Variants in ZNF554 observed in about 807,000 individuals in gnomAD.
ZNF554 encodes zinc finger protein 554.
A neutral mutation model predicts 21.2 loss-of-function variants in ZNF554; 15 were observed. That is an observed-to-expected ratio of 0.71 (90% CI 0.47 to 1.09). The LOEUF (loss-of-function observed/expected upper bound fraction) is 1.09. ZNF554 is among the 50% of genes least tolerant of loss of function. ZNF554 has a pLI of 0.00. For missense variants in ZNF554, 691 were observed against 662.7 expected, an observed-to-expected ratio of 1.04 and a Z score of -0.47; for synonymous variants, 258 against 251.4, an observed-to-expected ratio of 1.03 and a Z score of -0.25.
chr19:2,836,143 TGTGAGCCACTGTGCTGGGATTACGGGC>T lies in ZNF554; in HGVS notation c.*1298_*1324del, dbSNP rs2087494016. ...TGAGCCACCGTGCTGGTATTACGGG[TGTGAGCCACTGTGCTGGGATTACGGGC>T]GTGAGCTGCCCATGCTGGGATTACG... On this transcript the variant is annotated 3_prime_UTR_variant, in exon 5 of 5. Coordinates refer to ENST00000317243, the MANE Select transcript of ZNF554 (RefSeq NM_001102651.2). Among the ~76,000 whole-genome samples, 1 of 150,620 alleles carries T rather than the reference TGTGAGCCACTGTGCTGGGATTACGGGC, an allele frequency of 6.6e-6. No individual in the cohort carries two copies. Among genetic ancestry groups the T allele is most frequent in the African/African-American group, 2.4e-5 (1 of 41,088 alleles).
chr19:2,833,490 C>A (rs987412850), intron 4 of ZNF554, among the ~76,000 whole-genome samples, 191 bp from the exon 5 acceptor site: 2 of 152,186 alleles, frequency 1.3e-5, no homozygotes, highest in Non-Finnish European at 2.9e-5. Flanking sequence ...TCTTCCACTG[C>A]TGCATCTCAT....
chr19:2,834,124 G>A lies in ZNF554; in HGVS notation c.889G>A (p.Val297Met), dbSNP rs757275966. 1 of 1,614,080 alleles carries A rather than the reference G, an allele frequency of 6.2e-7. No homozygotes were observed. Among genetic ancestry groups the A allele is most frequent in the Admixed American group, 1.7e-5 (1 of 60,014 alleles). The stretch of plus-strand genomic sequence containing the variant: ...TATTCAACACGGGGGGAAGATGTTT[G>A]TGTATTTGGAAAATGGGCAGTCATT... ...HFIQHGGKMFVYLENGQSLNH... is the reference protein window; with the variant it reads ...HFIQHGGKMFMYLENGQSLNH... The change falls in exon 5 of 5, where the codon GTG (valine) becomes ATG (methionine). Residue 297 changes from valine (V) to methionine (M), a missense_variant. Val to Met is a conservative substitution (Grantham distance 21, BLOSUM62 1). Transcript: ENST00000317243.
At chr19:2,822,945 C>A (rs1341899154) in intron 1 of ZNF554, 95 bp from the exon 2 acceptor site, 3 of 1,321,228 alleles carry the variant, frequency 2.3e-6, no homozygotes, top group Admixed American at 2.0e-5. Flanking sequence ...TATGGGGGGC[C>A]CCTTCAAGCA....
Position 2,834,983 on chromosome 19 carries a change from G to C in ZNF554, c.*131G>C. On this transcript the variant is annotated 3_prime_UTR_variant, in exon 5 of 5. Transcript: ENST00000317243. ...CACCTTCTCACCTTCTTATAAGAAAGCTCTGAGAATGGGCATTTTTGTATT... is the reference window on the plus strand; with the variant it reads ...CACCTTCTCACCTTCTTATAAGAAACCTCTGAGAATGGGCATTTTTGTATT... 3.5e-6 allele frequency: 3 copies of C among 867,248 alleles called. No homozygotes were observed. In the East Asian group the frequency reaches 7.9e-5, roughly 23 times the overall value. 53.7% of individuals were successfully genotyped at this position (867,248 alleles called of 1,614,324 possible).
chr19:2,828,542 C>T (rs1215170495), intron 3 of ZNF554, among the ~76,000 whole-genome samples: 2 of 152,082 alleles, frequency 1.3e-5, no homozygotes, highest in Non-Finnish European at 2.9e-5. Flanking sequence ...TGGCGGGCAC[C>T]TGTAATCCCA....
chr19:2,833,591 T>C, intron 4 of ZNF554, 90 bp from the exon 5 acceptor site: 1 of 1,113,830 alleles, frequency 9.0e-7, no homozygotes, highest in Non-Finnish European at 1.3e-6. Context: ...CGCACAGGCC[T>C]TGTAGATGTC....
chr19:2,825,409 T>C (rs993343522), intron 2 of ZNF554, among the ~76,000 whole-genome samples: 1 of 152,196 alleles, frequency 6.6e-6, no homozygotes. Context: ...CCTCCCGGGT[T>C]CAAGCGATTC....
chr19:2,822,449 C>T (rs999005177), intron 1 of ZNF554, among the ~76,000 whole-genome samples: 3 of 152,160 alleles, frequency 2.0e-5, no homozygotes, highest in Admixed American at 6.5e-5. Flanking sequence ...TTTAAGCCCC[C>T]GGGTTACTGG....
At chr19:2,827,474 C>G in intron 2 of ZNF554, 143 bp from the exon 3 acceptor site, 2 of 999,136 alleles carry the variant, frequency 2.0e-6, no homozygotes, top group East Asian at 5.4e-5. Flanking sequence ...GACAAGCACC[C>G]ACAAGGCAGC....
At position 2,821,982 on chromosome 19, in the gene ZNF554, A is replaced by G. The variant is rs1235946961; in HGVS notation, c.54-1058A>G. Among the ~76,000 whole-genome samples, 1 of 152,090 alleles carries G rather than the reference A, an allele frequency of 6.6e-6. No individual in the cohort carries two copies. The highest frequency in any genetic ancestry group is 1.9e-4 in the East Asian group (1 of 5,178). The stretch of plus-strand genomic sequence containing the variant: ...CCAGCTGTCTCTTTCTCTTATAAGG[A>G]CAATACTCATGACCCCAGTAGCTGG... On this transcript the variant is annotated intron_variant, in intron 1 of 4. Transcript: ENST00000317243. The surrounding 1 kb of genome is among the most constrained non-coding windows in gnomAD (Gnocchi z 8.2).
At chr19:2,829,921 ATTTCT>A (rs1019603184) in intron 3 of ZNF554, among the ~76,000 whole-genome samples, 29 of 151,606 alleles carry the variant, frequency 1.9e-4, no homozygotes, top group African/African-American at 5.3e-4. Flanking sequence ...TACCCTGGAC[ATTTCT>A]TTTCTTTTCT....
At chr19:2,824,497 G>T (rs960728902) in intron 2 of ZNF554, among the ~76,000 whole-genome samples, 3 of 152,236 alleles carry the variant, frequency 2.0e-5, no homozygotes, top group Non-Finnish European at 4.4e-5. Flanking sequence ...CCCCTGGAGA[G>T]CAGGCAGTGC....
At position 2,836,622 on chromosome 19, in the gene ZNF554, T is replaced by C. The variant is rs1007307256; in HGVS notation, c.*1770T>C. 6.6e-6 allele frequency among the ~76,000 whole-genome samples: 1 copy of C among 152,232 alleles called. No homozygotes were observed. Among genetic ancestry groups the C allele is most frequent in the Non-Finnish European group, 1.5e-5 (1 of 68,046 alleles). ...CGCAATGATTGGGGTGTTCCAATTA[T>C]GTGTGATTTTGTGTTTTCTGCCGTT... On this transcript the variant is annotated 3_prime_UTR_variant, in exon 5 of 5. Transcript: ENST00000317243.
At position 2,828,735 on chromosome 19, in the gene ZNF554, G is replaced by A. The variant is rs115275847; in HGVS notation, c.253+992G>A. 4.5e-3 allele frequency among the ~76,000 whole-genome samples: 681 copies of A among 151,846 alleles called. 2 individuals carry two copies. The highest frequency in any genetic ancestry group is 0.016 in the African/African-American group (647 of 41,404). Reference sequence around the variant, plus strand: ...ATGGAGTCACAGTTCCACATGGCTCGGGAGGCCTCAGGACACTTACAATCA... The same window carrying A: ...ATGGAGTCACAGTTCCACATGGCTCAGGAGGCCTCAGGACACTTACAATCA... On this transcript the variant is annotated intron_variant, in intron 3 of 4. Coordinates refer to ENST00000317243, the MANE Select transcript of ZNF554 (RefSeq NM_001102651.2).
chr19:2,829,985 C>T (rs79960939), intron 3 of ZNF554, among the ~76,000 whole-genome samples: 7,979 of 152,100 alleles, frequency 0.052, 338 homozygotes, highest in East Asian at 0.2. Flanking sequence ...AGTGCAGTGG[C>T]GTGATCTTGG....
intron 3 of ZNF554, among the ~76,000 whole-genome samples, chr19:2,829,576 G>A (rs1462211273): frequency 6.6e-6 from 1 of 152,058 alleles, no homozygotes; most frequent in African/African-American, 2.4e-5. Context: ...GGTGGAGGTT[G>A]CGGTAAGCTG....
chr19:2,833,738 A>G lies in ZNF554; in HGVS notation c.503A>G (p.Glu168Gly), dbSNP rs773524765. 1 of 1,560,154 alleles carries G rather than the reference A, an allele frequency of 6.4e-7. No homozygotes were observed. Among genetic ancestry groups the G allele is most frequent in the Middle Eastern group, 1.7e-4 (1 of 5,816 alleles). Residue 168 changes from glutamate to glycine, a missense_variant, in exon 5 of 5, where the codon GAG (glutamate) becomes GGG (glycine). By Grantham distance (98) the Glu-to-Gly change is moderately conservative. Transcript: ENST00000317243. ...ACTTACAAGAAGGTGGCTTTGCAGG[A>G]GGAACCAGCCAGTGGTATAAATATG... ...DSTYKKVALQEEPASGINMIK... is the reference protein window; with the variant it reads ...DSTYKKVALQGEPASGINMIK...
chr19:2,834,534 G>C lies in ZNF554; in HGVS notation c.1299G>C (p.Glu433Asp). The C allele has an allele frequency of 6.2e-7, 1 of 1,614,140 alleles. No homozygotes were observed. The highest frequency in any genetic ancestry group is 8.5e-7 in the Non-Finnish European group (1 of 1,180,024). Reference sequence around the variant, plus strand: ...TGCACAAGAGGACACACACCGGAGAGAAGCCCTACGAATGCAGTGAATGTG... The same window carrying C: ...TGCACAAGAGGACACACACCGGAGACAAGCCCTACGAATGCAGTGAATGTG... Reference protein sequence around the residue: ...LILHKRTHTGEKPYECSECGK... With the variant: ...LILHKRTHTGDKPYECSECGK... Residue 433 changes from glutamate to aspartate, a missense_variant, in exon 5 of 5, where the codon GAG becomes GAC. By Grantham distance (45) the Glu-to-Asp change is conservative (BLOSUM62 2). Coordinates refer to ENST00000317243, the MANE Select transcript of ZNF554 (RefSeq NM_001102651.2).
At position 2,835,045 on chromosome 19, in the gene ZNF554, C is replaced by G; in HGVS notation, c.*193C>G. On this transcript the variant is annotated 3_prime_UTR_variant, in exon 5 of 5. Coordinates refer to ENST00000317243, the MANE Select transcript of ZNF554 (RefSeq NM_001102651.2). ...GTTGAGATGGAGTCTGCCACCCAGG[C>G]TGGAGTCCAGTGGCGTGATCATACC... 1.7e-6 allele frequency: 1 copy of G among 581,852 alleles called. No individual in the cohort carries two copies. Among genetic ancestry groups the G allele is most frequent in the South Asian group, 2.2e-5 (1 of 45,804 alleles). 36.0% of individuals were successfully genotyped at this position (581,852 alleles called of 1,614,324 possible).
Sources: gnomAD v4.1 joint callset for allele counts (sites outside exome capture counted in the v4.1 genomes callset) on GRCh38, gnomAD v4.1.1 for gene constraint, Gnocchi (gnomAD v3.1) non-coding constraint, MANE v1.5 for transcripts, NCBI Gene and HGNC (gene_info 2026-07-23, HGNC 2026-07-21) for gene names.